Variants in MTURN observed in about 807,000 individuals in gnomAD.
MTURN encodes the protein maturin, neural progenitor differentiation regulator homolog.
MTURN carries 7 observed loss-of-function variants against 14.9 expected under a neutral mutation model. The ratio of observed to expected loss-of-function variants is 0.47; its 90% CI spans 0.27 to 0.88. The LOEUF (loss-of-function observed/expected upper bound fraction) is 0.88. MTURN is among the 40% of genes least tolerant of loss of function. The pLI is 0.14. For missense variants in MTURN, 151 were observed against 174.1 expected, an observed-to-expected ratio of 0.87 and a Z score of 0.75; for synonymous variants, 69 against 72.5, an observed-to-expected ratio of 0.95 and a Z score of 0.25.
intron 1 of MTURN, among the ~76,000 whole-genome samples, chr7:30,142,683 C>G (rs1259005556): frequency 6.6e-6 from 1 of 152,054 alleles, no homozygotes; most frequent in Non-Finnish European, 1.5e-5. Context: ...TTAAACTCTG[C>G]CCCCCCAGCA....
intron 2 of MTURN, among the ~76,000 whole-genome samples, chr7:30,157,151 G>A (rs1157293878): frequency 6.6e-6 from 1 of 152,118 alleles, no homozygotes; most frequent in Admixed American, 6.5e-5. Context: ...ATGTGTGTGT[G>A]GGCACATAGC....
rs1200391515 is a variant in MTURN, at chr7:30,160,041, G to T, written c.*2493G>T. 6.6e-6 allele frequency: 1 copy of T among 152,354 alleles called. No individual in the cohort carries two copies. Among genetic ancestry groups the T allele is most frequent in the East Asian group, 1.9e-4 (1 of 5,206 alleles). 9.4% of individuals were successfully genotyped at this position (152,354 alleles called of 1,614,324 possible). ...GAGAGACACCTGGGTTCTAGTTCAA[G>T]TCGGCCAAGGACTGTGTGACCTTGA... On this transcript the variant is annotated 3_prime_UTR_variant, in exon 3 of 3. Coordinates refer to ENST00000324453, the MANE Select transcript of MTURN (RefSeq NM_152793.3).
At chr7:30,143,381 G>T (rs1797083290) in intron 1 of MTURN, among the ~76,000 whole-genome samples, 1 of 144,998 alleles carries the variant, frequency 6.9e-6, no homozygotes, top group African/African-American at 2.6e-5. Context: ...CCCAATGACA[G>T]ACTTAATTTT....
At chr7:30,136,724 A>G (rs1478438606) in intron 1 of MTURN, among the ~76,000 whole-genome samples, 1 of 152,220 alleles carries the variant, frequency 6.6e-6, no homozygotes, top group Non-Finnish European at 1.5e-5. Flanking sequence ...GCCTTGTGTG[A>G]CAGCCAGATT....
rs1477390916 is a variant in MTURN, at chr7:30,161,333, T to A, written c.*3785T>A. 1 of 152,204 alleles carries A rather than the reference T, an allele frequency of 6.6e-6. No individual in the cohort carries two copies. The highest frequency in any genetic ancestry group is 1.9e-4 in the East Asian group (1 of 5,190). 9.4% of individuals were successfully genotyped at this position (152,204 alleles called of 1,614,324 possible). A position where few individuals can be genotyped will look rare whatever the true frequency, so the allele number is the denominator to read the frequency against. On this transcript the variant is annotated 3_prime_UTR_variant, in exon 3 of 3. Coordinates refer to ENST00000324453, the MANE Select transcript of MTURN (RefSeq NM_152793.3). ...AACTGTTTTCATTTTCACGGCTGTCTCACTGGGGGCCTGCTTTCCTCAAAG... is the reference window on the plus strand; with the variant it reads ...AACTGTTTTCATTTTCACGGCTGTCACACTGGGGGCCTGCTTTCCTCAAAG...
At chr7:30,156,186 C>G (rs962959390) in intron 2 of MTURN, among the ~76,000 whole-genome samples, 3 of 152,104 alleles carry the variant, frequency 2.0e-5, no homozygotes. Flanking sequence ...GGTTTCTAAC[C>G]AAAGACCAGC....
rs79101849 is a variant in MTURN at position 30,135,741 on chromosome 7, C to T, written c.162+443C>T. The stretch of plus-strand genomic sequence containing the variant: ...GCCCAGGTCCGGAGCTTCCCACATC[C>T]AGGCGTCCCGTCCGGGATAGGAATC... On this transcript the variant is annotated intron_variant, in intron 1 of 2. Coordinates refer to ENST00000324453, the MANE Select transcript of MTURN (RefSeq NM_152793.3). 4.3e-3 allele frequency among the ~76,000 whole-genome samples: 652 copies of T among 152,306 alleles called. 5 individuals carry two copies. Among genetic ancestry groups the T allele is most frequent in the African/African-American group, 0.014 (587 of 41,578 alleles).
intron 2 of MTURN, among the ~76,000 whole-genome samples, chr7:30,153,113 G>A (rs1451910674): frequency 6.6e-6 from 1 of 152,092 alleles, no homozygotes; most frequent in African/African-American, 2.4e-5. Context: ...CACCTTTTTG[G>A]TATGAGAATG....
At position 30,135,282 on chromosome 7, in the gene MTURN, G is replaced by A; in HGVS notation, c.146G>A (p.Gly49Asp). The A allele has an allele frequency of 1.3e-6, 2 of 1,524,346 alleles. No individual in the cohort carries two copies. 94.4% of individuals were successfully genotyped at this position (1,524,346 alleles called of 1,614,324 possible). ...TTCTATGTGCTGTGTCCGGACAACG[G>A]CTGCGGCGACAATTTTGTGAGTGCC... ...VSFYVLCPDNGCGDNFHVWSE... is the reference protein window; with the variant it reads ...VSFYVLCPDNDCGDNFHVWSE... The change falls in exon 1 of 3, where the codon GGC becomes GAC. Residue 49 changes from glycine (G) to aspartate (D), a missense_variant. Physicochemically the swap from Gly to Asp is moderately conservative, Grantham distance 94. Transcript: ENST00000324453.
In MTURN at chr7:30,149,543, C is replaced by T. The variant is rs190813193; in HGVS notation, c.285+3244C>T. 4.6e-5 allele frequency among the ~76,000 whole-genome samples: 7 copies of T among 152,228 alleles called. No individual in the cohort carries two copies. In the East Asian group the frequency reaches 1.2e-3, roughly 25 times the overall value. On this transcript the variant is annotated intron_variant, in intron 2 of 2. Transcript: ENST00000324453. ...TGAATGAGAGGGAGCGTCACAAACC[C>T]GAATAAAGGACCACAGAGATCCCTG...
At chr7:30,143,312 T>A (rs999065952) in intron 1 of MTURN, among the ~76,000 whole-genome samples, 2 of 152,040 alleles carry the variant, frequency 1.3e-5, no homozygotes, top group Non-Finnish European at 2.9e-5. Flanking sequence ...CTTGCTCTGT[T>A]TGTCCTGGTC....
chr7:30,138,623 CAAAATGACTGCTTG>C (rs938298090), intron 1 of MTURN, among the ~76,000 whole-genome samples: 3 of 151,914 alleles, frequency 2.0e-5, no homozygotes, highest in African/African-American at 7.2e-5. Context: ...TAAATAGATC[CAAAATGACTGCTTG>C]GGGAGACTGA....
intron 1 of MTURN, chr7:30,145,973 G>A (rs1247291634): frequency 1.3e-6 from 2 of 1,551,282 alleles, no homozygotes; most frequent in Admixed American, 2.0e-5. Flanking sequence ...TGGACCAAAA[G>A]CTCGGGGGCT....
Position 30,162,094 on chromosome 7 carries a change from A to G in MTURN, c.*4546A>G, listed in dbSNP as rs1261826507. ...ATTTCATGTTAGAAACCCCATTTAA[A>G]GCACTATAAGGCTGAATAGGCACAA... On this transcript the variant is annotated 3_prime_UTR_variant, in exon 3 of 3. Transcript: ENST00000324453. The G allele has an allele frequency of 6.6e-6, 1 of 152,174 alleles. No individual in the cohort carries two copies. 9.4% of individuals were successfully genotyped at this position (152,174 alleles called of 1,614,324 possible).
intron 2 of MTURN, among the ~76,000 whole-genome samples, chr7:30,151,743 G>A (rs555009724): frequency 1.3e-4 from 20 of 152,176 alleles, no homozygotes; most frequent in Non-Finnish European, 2.4e-4. Flanking sequence ...TCCATGGCCC[G>A]GCCTGGAGTT....
Position 30,135,275 on chromosome 7 carries a change from G to T in MTURN, c.139G>T (p.Asp47Tyr), listed in dbSNP as rs374284471. Residue 47 changes from aspartate (D) to tyrosine (Y), a missense_variant, in exon 1 of 3, where the codon GAC (aspartate) becomes TAC (tyrosine). Coordinates refer to ENST00000324453, the MANE Select transcript of MTURN (RefSeq NM_152793.3). Reference protein sequence around the residue: ...PGVSFYVLCPDNGCGDNFHVW... With the variant: ...PGVSFYVLCPYNGCGDNFHVW... ...CGTCTCCTTCTATGTGCTGTGTCCG[G>T]ACAACGGCTGCGGCGACAATTTTGT... 9.4e-5 allele frequency: 143 copies of T among 1,527,770 alleles called. No homozygotes were observed. The highest frequency in any genetic ancestry group is 1.2e-4 in the Non-Finnish European group (140 of 1,137,028). The allele number at this position is 1,527,770 out of a possible 1,614,324, so 94.6% of individuals were successfully genotyped here. A position where few individuals can be genotyped will look rare whatever the true frequency, so the allele number is the denominator to read the frequency against.
In MTURN at chr7:30,161,370, A is replaced by G. The variant is rs927275549; in HGVS notation, c.*3822A>G. The G allele has an allele frequency of 1.3e-5, 2 of 152,178 alleles. No individual in the cohort carries two copies. Among genetic ancestry groups the G allele is most frequent in the Non-Finnish European group, 2.9e-5 (2 of 68,032 alleles). The allele number at this position is 152,178 out of a possible 1,614,324, so 9.4% of individuals were successfully genotyped here. On this transcript the variant is annotated 3_prime_UTR_variant, in exon 3 of 3. Coordinates refer to ENST00000324453, the MANE Select transcript of MTURN (RefSeq NM_152793.3). ...TGCTTTCCTCAAAGGAACTGACTGTATGTTGAGAGGCAATGCCTTGTGTTG... is the reference window on the plus strand; with the variant it reads ...TGCTTTCCTCAAAGGAACTGACTGTGTGTTGAGAGGCAATGCCTTGTGTTG...
At chr7:30,136,335 C>T (rs368126945) in intron 1 of MTURN, among the ~76,000 whole-genome samples, 162 of 152,192 alleles carry the variant, frequency 1.1e-3, no homozygotes, top group African/African-American at 3.5e-3. Context: ...AGGGCGAGCA[C>T]GGTGCTCATG....
intron 2 of MTURN, among the ~76,000 whole-genome samples, chr7:30,147,506 G>A (rs2128032079): frequency 6.6e-6 from 1 of 152,270 alleles, no homozygotes; most frequent in Non-Finnish European, 1.5e-5. Context: ...AGCTTCAAGT[G>A]GGGATGGTGT....
Sources: gnomAD v4.1 joint callset for allele counts (sites outside exome capture counted in the v4.1 genomes callset) on GRCh38, gnomAD v4.1.1 for gene constraint, MANE v1.5 for transcripts, NCBI Gene and HGNC (gene_info 2026-07-23, HGNC 2026-07-21) for gene names.